DCBLD1: variants seen among roughly 807,000 people sequenced by gnomAD.
The protein encoded by DCBLD1 is discoidin, CUB and LCCL domain-containing protein 1.
Under a neutral mutation model 71.5 loss-of-function variants are expected in DCBLD1, and 57 were observed. That is an observed-to-expected ratio of 0.80 (90% CI 0.64 to 0.99). The LOEUF is 0.99. Among genes scored for constraint, DCBLD1 ranks in the 50% least tolerant of loss-of-function variants. DCBLD1 has a pLI of 0.00. For synonymous variants in DCBLD1, 380 were observed against 363.8 expected (o/e 1.04, Z -0.51); for missense variants, 891 against 923.5 (o/e 0.96, Z 0.46).
At chr6:117,505,694 C>T (rs746989033) in intron 2 of DCBLD1, among the ~76,000 whole-genome samples, 7 of 152,058 alleles carry the variant, frequency 4.6e-5, no homozygotes, top group Non-Finnish European at 1.0e-4. Context: ...AGGTCAGGGG[C>T]GGTGGCTTAT....
At chr6:117,561,604 G>A in intron 14 of DCBLD1, 1 of 206,714 alleles carries the variant, frequency 4.8e-6, no homozygotes, top group East Asian at 7.4e-5. Flanking sequence ...CTTTTAAGAG[G>A]CCTACCCTGT....
chr6:117,516,950 C>T lies in DCBLD1; in HGVS notation c.326-2866C>T, dbSNP rs527581925. 2.4e-4 allele frequency among the ~76,000 whole-genome samples: 36 copies of T among 152,292 alleles called. No individual in the cohort carries two copies. In the South Asian group the frequency reaches 7.5e-3, roughly 32 times the overall value. On this transcript the variant is annotated intron_variant, in intron 2 of 14. Coordinates refer to ENST00000338728, the MANE Select transcript of DCBLD1 (RefSeq NM_001366458.2). ...ATTCAAGATGAGATTTGGGTGGGGA[C>T]ACCCAAACCATTATCATTTCGACCC...
chr6:117,528,347 A>G (rs1211431453), intron 5 of DCBLD1, among the ~76,000 whole-genome samples: 1 of 152,224 alleles, frequency 6.6e-6, no homozygotes, highest in Non-Finnish European at 1.5e-5. Context: ...TATATTTGAT[A>G]ATTTAACATT....
At position 117,544,630 on chromosome 6, in the gene DCBLD1, A is replaced by T. The variant is rs1704406192; in HGVS notation, c.1495+53A>T. 22 of 1,600,064 alleles carry T rather than the reference A, an allele frequency of 1.4e-5. 1 individual carries two copies. In the South Asian group the frequency reaches 2.5e-4, roughly 18 times the overall value. ...TATCTGTCTTTGAGGAAGGGACAGGATCTGCTGATTGAAAGCATAAGGAGG... is the reference window on the plus strand; with the variant it reads ...TATCTGTCTTTGAGGAAGGGACAGGTTCTGCTGATTGAAAGCATAAGGAGG... On this transcript the variant is annotated intron_variant, in intron 13 of 14. Coordinates refer to ENST00000338728, the MANE Select transcript of DCBLD1 (RefSeq NM_001366458.2).
At chr6:117,495,580 A>C (rs939407852) in intron 1 of DCBLD1, among the ~76,000 whole-genome samples, 1 of 152,204 alleles carries the variant, frequency 6.6e-6, no homozygotes, top group African/African-American at 2.4e-5. Context: ...AGTGTTAGGC[A>C]GGGCTGTGCC....
intron 1 of DCBLD1, among the ~76,000 whole-genome samples, chr6:117,490,267 GTC>G (rs1245257731): frequency 6.6e-6 from 1 of 152,124 alleles, no homozygotes; most frequent in African/African-American, 2.4e-5. Context: ...CTGCTCCCTA[GTC>G]TGTGTATGCT....
intron 5 of DCBLD1, among the ~76,000 whole-genome samples, chr6:117,528,781 C>T (rs1778622683): frequency 6.6e-6 from 1 of 152,098 alleles, no homozygotes; most frequent in Admixed American, 6.6e-5. Context: ...TAATTAAAAC[C>T]ATTTGTCAGG....
chr6:117,493,145 T>C (rs1042922356), intron 1 of DCBLD1, among the ~76,000 whole-genome samples: 6 of 152,180 alleles, frequency 3.9e-5, no homozygotes, highest in Non-Finnish European at 7.4e-5. Flanking sequence ...CTTTAAAAAA[T>C]ATTCATGGCA....
In DCBLD1 at chr6:117,548,457, C is replaced by A. The variant is rs972537859; in HGVS notation, c.*18C>A. ...TTTTGTGAACACAATGTGAAAGAAG[C>A]CTGCTGTGGTACTGAGCGTCGGGCT... On this transcript the variant is annotated 3_prime_UTR_variant, in exon 15 of 15. Transcript: ENST00000338728. 8.4e-6 allele frequency: 13 copies of A among 1,550,018 alleles called. No individual in the cohort carries two copies. The highest frequency in any genetic ancestry group is 1.1e-5 in the Non-Finnish European group (13 of 1,146,966).
At chr6:117,547,822 A>T in intron 14 of DCBLD1, 85 bp from the exon 15 acceptor site, 1 of 1,547,312 alleles carries the variant, frequency 6.5e-7, no homozygotes, top group Middle Eastern at 1.7e-4. Context: ...AGTCACCACG[A>T]CCTGAAGCAG....
intron 1 of DCBLD1, among the ~76,000 whole-genome samples, chr6:117,501,698 A>G (rs911840413): frequency 1.3e-5 from 2 of 152,258 alleles, no homozygotes. Flanking sequence ...AAGCCGACAA[A>G]TAATTCAGAT....
chr6:117,496,792 C>T (rs1461193149), intron 1 of DCBLD1, among the ~76,000 whole-genome samples: 1 of 152,084 alleles, frequency 6.6e-6, no homozygotes, highest in Non-Finnish European at 1.5e-5. Flanking sequence ...TAGGCACAAC[C>T]AGTATGCTTT....
chr6:117,526,055 A>C (rs2114506064), intron 5 of DCBLD1, among the ~76,000 whole-genome samples: 1 of 152,354 alleles, frequency 6.6e-6, no homozygotes, highest in East Asian at 1.9e-4. Flanking sequence ...TGCCTGAGTT[A>C]TTAGAAATCT....
chr6:117,505,945 G>A (rs1457870415), intron 2 of DCBLD1, among the ~76,000 whole-genome samples: 2 of 152,170 alleles, frequency 1.3e-5, no homozygotes, highest in Admixed American at 6.5e-5. Context: ...TGCATCACTA[G>A]AAGATGAATA....
intron 2 of DCBLD1, among the ~76,000 whole-genome samples, chr6:117,511,777 A>T (rs1233779134): frequency 6.6e-6 from 1 of 152,204 alleles, no homozygotes; most frequent in African/African-American, 2.4e-5. Context: ...TCTCTCAGAC[A>T]TATTATGAAG....
intron 14 of DCBLD1, among the ~76,000 whole-genome samples, chr6:117,558,065 A>G (rs1385143624): frequency 6.6e-6 from 1 of 152,224 alleles, no homozygotes; most frequent in African/African-American, 2.4e-5. Context: ...TAAGACCAAC[A>G]GTCCAGTAGA....
intron 2 of DCBLD1, among the ~76,000 whole-genome samples, chr6:117,512,931 C>T (rs991221827): frequency 2.0e-5 from 3 of 151,654 alleles, no homozygotes; most frequent in South Asian, 2.1e-4. Flanking sequence ...CTTTGTTTCT[C>T]TAATGACATG....
chr6:117,514,785 T>TC (rs1411159421), intron 2 of DCBLD1, among the ~76,000 whole-genome samples: 4 of 152,164 alleles, frequency 2.6e-5, no homozygotes, highest in Non-Finnish European at 4.4e-5. Flanking sequence ...TACATGCCTA[T>TC]CATAACTGGG....
intron 13 of DCBLD1, 124 bp from the exon 14 acceptor site, chr6:117,545,354 A>G: frequency 7.8e-7 from 1 of 1,283,758 alleles, no homozygotes; most frequent in South Asian, 1.4e-5. Context: ...ACACCTGAGG[A>G]GGACATTGAT....
Sources: allele counts gnomAD v4.1 joint callset (sites outside exome capture counted in the v4.1 genomes callset), GRCh38; gene constraint gnomAD v4.1.1; transcripts MANE v1.5; gene names NCBI Gene and HGNC (gene_info 2026-07-23, HGNC 2026-07-21).